The following UBE2D2 variants were observed in gnomAD, a reference collection of about 807,000 sequenced individuals.
UBE2D2 encodes the protein ubiquitin-conjugating enzyme E2 D2.
Under a neutral mutation model 24.2 loss-of-function variants are expected in UBE2D2, and 2 were observed. The ratio of observed to expected loss-of-function variants is 0.08; its 90% CI spans 0.03 to 0.26. The LOEUF is 0.26. UBE2D2 is among the 10% of genes least tolerant of loss of function. UBE2D2 has a pLI of 1.00. For missense variants in UBE2D2, 44 were observed against 177.6 expected, an observed-to-expected ratio of 0.25 and a Z score of 4.28; for synonymous variants, 58 against 56.5, an observed-to-expected ratio of 1.03 and a Z score of -0.12.
At chr5:139,616,863 C>T (rs775786336) in intron 5 of UBE2D2, among the ~76,000 whole-genome samples, 10 of 152,080 alleles carry the variant, frequency 6.6e-5, no homozygotes, top group Non-Finnish European at 1.0e-4. Flanking sequence ...AAAAATAGAT[C>T]GGTTCCAGCA....
intron 6 of UBE2D2, among the ~76,000 whole-genome samples, chr5:139,626,503 A>C (rs1379650155): frequency 1.3e-5 from 2 of 152,268 alleles, no homozygotes; most frequent in African/African-American, 2.4e-5. Context: ...GTATGGAATA[A>C]GGTATATGCC....
chr5:139,576,531 G>A (rs1330364877), intron 1 of UBE2D2, among the ~76,000 whole-genome samples: 1 of 151,980 alleles, frequency 6.6e-6, no homozygotes, highest in African/African-American at 2.4e-5. Context: ...ACCACGCCCG[G>A]CAAATTTTTT....
chr5:139,573,041 C>T (rs1003747880), intron 1 of UBE2D2, among the ~76,000 whole-genome samples: 3 of 152,016 alleles, frequency 2.0e-5, no homozygotes, highest in African/African-American at 7.2e-5. Flanking sequence ...GTGGCTCATG[C>T]CTGTAATCCC....
intron 6 of UBE2D2, among the ~76,000 whole-genome samples, chr5:139,624,176 C>T (rs557610675): frequency 1.1e-4 from 17 of 152,118 alleles, no homozygotes; most frequent in Non-Finnish European, 2.4e-4. Flanking sequence ...TGCCATTAGA[C>T]GTGAAAGCCC....
Position 139,581,674 on chromosome 5 carries a change from T to A in UBE2D2, c.25-18698T>A, listed in dbSNP as rs533175884. Among the ~76,000 whole-genome samples the A allele has an allele frequency of 1.3e-3, 196 of 152,200 alleles. 1 individual carries two copies. Among genetic ancestry groups the A allele is most frequent in the African/African-American group, 4.6e-3 (193 of 41,536 alleles). On this transcript the variant is annotated intron_variant, in intron 1 of 6. Transcript: ENST00000398733. ...TAATTTTATGTAGTTTGTTTGTTTG[T>A]TTGTTTGTTTTTGAGATGGAGTCTC...
At chr5:139,538,419 C>A (rs1165183622) in intron 1 of UBE2D2, among the ~76,000 whole-genome samples, 1 of 152,104 alleles carries the variant, frequency 6.6e-6, no homozygotes, top group Non-Finnish European at 1.5e-5. Flanking sequence ...CAATAAATAT[C>A]CATATAATTC....
At chr5:139,539,789 G>T (rs1336545631) in intron 1 of UBE2D2, among the ~76,000 whole-genome samples, 1 of 150,508 alleles carries the variant, frequency 6.6e-6, no homozygotes, top group Non-Finnish European at 1.5e-5. Flanking sequence ...ATCGTGTTGG[G>T]TTTCGCCATG....
In UBE2D2 at chr5:139,584,901, CTTTT is replaced by C. The variant is rs113991993; in HGVS notation, c.25-15458_25-15455del. Among the ~76,000 whole-genome samples, 6 of 129,672 alleles carry C rather than the reference CTTTT, an allele frequency of 4.6e-5. No homozygotes were observed. In the South Asian group the frequency reaches 1.3e-3, roughly 27 times the overall value. 85.1% of individuals were successfully genotyped at this position (129,672 alleles called of 152,430 possible). ...TATTGTGTATGTCACTATAAACTAA[CTTTT>C]TTTTTTTTTTTTGAGACACAGGTTC... On this transcript the variant is annotated intron_variant, in intron 1 of 6. Coordinates refer to ENST00000398733, the MANE Select transcript of UBE2D2 (RefSeq NM_003339.3).
intron 1 of UBE2D2, among the ~76,000 whole-genome samples, chr5:139,536,240 C>T (rs191941599): frequency 6.6e-6 from 1 of 152,156 alleles, no homozygotes; most frequent in Admixed American, 6.6e-5. Flanking sequence ...GCTGGGATTA[C>T]AGGCATGTGC....
chr5:139,550,605 C>G (rs941373244), intron 1 of UBE2D2, among the ~76,000 whole-genome samples: 5 of 152,058 alleles, frequency 3.3e-5, no homozygotes, highest in African/African-American at 1.2e-4. Context: ...TTTGAGATAA[C>G]TTGCTGCTGC....
chr5:139,575,993 C>T (rs535883377), intron 1 of UBE2D2, among the ~76,000 whole-genome samples: 1 of 152,248 alleles, frequency 6.6e-6, no homozygotes, highest in South Asian at 2.1e-4. Context: ...TGCACTCCAG[C>T]CTAGGTGACA....
intron 1 of UBE2D2, among the ~76,000 whole-genome samples, chr5:139,527,720 A>T (rs1752557530): frequency 6.6e-6 from 1 of 152,234 alleles, no homozygotes; most frequent in Non-Finnish European, 1.5e-5. Flanking sequence ...ATGTTTAAAA[A>T]ATTGTCTGCA....
intron 1 of UBE2D2, among the ~76,000 whole-genome samples, chr5:139,533,081 C>G (rs1561495284): frequency 6.6e-6 from 1 of 150,950 alleles, no homozygotes; most frequent in Non-Finnish European, 1.5e-5. Flanking sequence ...GGACTCCAGC[C>G]TGGGTGACAG....
chr5:139,541,372 T>G (rs1343374901), intron 1 of UBE2D2, among the ~76,000 whole-genome samples: 4 of 145,734 alleles, frequency 2.7e-5, no homozygotes, highest in African/African-American at 1.0e-4. Context: ...GAGGCCGAGG[T>G]GGGCGGATCA....
Position 139,579,814 on chromosome 5 carries a change from G to A in UBE2D2, c.24+17999G>A, listed in dbSNP as rs56334117. On this transcript the variant is annotated intron_variant, in intron 1 of 6. Transcript: ENST00000398733. ...TGTAATCCCAGCACTTTGGAAGGCCGCGGTGGGCAGATCACGAGGTCAGGA... is the reference window on the plus strand; with the variant it reads ...TGTAATCCCAGCACTTTGGAAGGCCACGGTGGGCAGATCACGAGGTCAGGA... Among the ~76,000 whole-genome samples, 8 of 152,044 alleles carry A rather than the reference G, an allele frequency of 5.3e-5. No individual in the cohort carries two copies. The East Asian group carries it at 5.9e-4, about 11-fold the overall frequency.
chr5:139,541,223 G>A (rs1752756830), intron 1 of UBE2D2, among the ~76,000 whole-genome samples: 1 of 150,132 alleles, frequency 6.7e-6, no homozygotes, highest in South Asian at 2.1e-4. Flanking sequence ...ACTTGAACCT[G>A]AGAGATGGAG....
intron 2 of UBE2D2, among the ~76,000 whole-genome samples, chr5:139,611,243 A>G (rs1414620430): frequency 8.1e-6 from 1 of 123,552 alleles, no homozygotes; most frequent in Admixed American, 1.1e-4. Context: ...CTGGAGTGCA[A>G]TGGTGCAATC....
chr5:139,601,451 C>A (rs1348196056), intron 2 of UBE2D2, among the ~76,000 whole-genome samples: 1 of 151,930 alleles, frequency 6.6e-6, no homozygotes, highest in African/African-American at 2.4e-5. Context: ...AAAAAACACA[C>A]AAAAAAATTA....
rs541170862 is a variant in UBE2D2 at position 139,549,451 on chromosome 5, C to T, written c.-64+22839C>T. 1.4e-3 allele frequency among the ~76,000 whole-genome samples: 206 copies of T among 152,330 alleles called. 2 individuals are homozygous for T. Among genetic ancestry groups the T allele is most frequent in the Admixed American group, 1.6e-3 (25 of 15,310 alleles). Reference sequence around the variant, plus strand: ...CCCCGCACTCCGAGCGGCCGGCTGGCGCCGTGGGCCCAGGAAGTGAGGGGC... The same window carrying T: ...CCCCGCACTCCGAGCGGCCGGCTGGTGCCGTGGGCCCAGGAAGTGAGGGGC... On this transcript the variant is annotated intron_variant, in intron 1 of 6. Coordinates refer to the UBE2D2 transcript ENST00000511725.
Sources: gnomAD v4.1 joint callset for allele counts (sites outside exome capture counted in the v4.1 genomes callset) on GRCh38, gnomAD v4.1.1 for gene constraint, MANE v1.5 for transcripts, NCBI Gene and HGNC (gene_info 2026-07-23, HGNC 2026-07-21) for gene names.